Variants in RBFOX1 observed in about 807,000 individuals in gnomAD.
RBFOX1 encodes the protein RNA binding protein fox-1 homolog 1.
RBFOX1 carries 8 observed loss-of-function variants against 57.7 expected under a neutral mutation model. The ratio of observed to expected loss-of-function variants is 0.14; its 90% CI spans 0.08 to 0.25. The LOEUF is 0.25. RBFOX1 is among the 10% of genes least tolerant of loss of function. The pLI, the probability that RBFOX1 is intolerant of heterozygous loss-of-function variation, is 1.00. For synonymous variants in RBFOX1, 326 were observed against 222.4 expected, an observed-to-expected ratio of 1.47 and a Z score of -4.15; for missense variants, 611 against 548.5, an observed-to-expected ratio of 1.11 and a Z score of -1.14.
At chr16:7,293,328 G>A (rs906130367) in intron 4 of RBFOX1, among the ~76,000 whole-genome samples, 2 of 152,090 alleles carry the variant, frequency 1.3e-5, no homozygotes, top group Non-Finnish European at 2.9e-5. Context: ...TAGGTTATAA[G>A]CAAATACTAC....
rs188758709 is a variant in RBFOX1, at chr16:7,014,916, A to C, written c.-15-37141A>C. Among the ~76,000 whole-genome samples, 330 of 151,868 alleles carry C rather than the reference A, an allele frequency of 2.2e-3. 2 individuals are homozygous for C. Among genetic ancestry groups the C allele is most frequent in the African/African-American group, 7.6e-3 (316 of 41,446 alleles). Reference sequence around the variant, plus strand: ...ATTTTTTTGTATTTTTACTAGAGGCACTTTTGAACATATTGGCCAGGCTGG... The same window carrying C: ...ATTTTTTTGTATTTTTACTAGAGGCCCTTTTGAACATATTGGCCAGGCTGG... On this transcript the variant is annotated intron_variant, in intron 3 of 15. Transcript: ENST00000550418.
chr16:5,810,242 G>T (rs2055372563), intron 3 of RBFOX1, among the ~76,000 whole-genome samples: 3 of 151,822 alleles, frequency 2.0e-5, no homozygotes, highest in South Asian at 4.2e-4. Flanking sequence ...GAGTTAATGG[G>T]TGCAGCACAC....
chr16:6,946,920 C>G (rs1346186648), intron 3 of RBFOX1, among the ~76,000 whole-genome samples: 1 of 152,142 alleles, frequency 6.6e-6, no homozygotes, highest in African/African-American at 2.4e-5. Context: ...AGAAACCTTT[C>G]AAACGTTGTT....
chr16:5,733,946 G>A (rs1031377665), intron 3 of RBFOX1, among the ~76,000 whole-genome samples: 1 of 151,880 alleles, frequency 6.6e-6, no homozygotes, highest in African/African-American at 2.4e-5. Context: ...TTTCCTTCAT[G>A]CTTCCTGACC....
chr16:5,589,136 C>T (rs1211259207), intron 2 of RBFOX1, among the ~76,000 whole-genome samples: 2 of 152,252 alleles, frequency 1.3e-5, no homozygotes, highest in East Asian at 3.9e-4. Flanking sequence ...AGATGGGTTT[C>T]CCCAATCTGC....
At chr16:5,892,514 A>G (rs2058068926) in intron 4 of RBFOX1, among the ~76,000 whole-genome samples, 1 of 152,174 alleles carries the variant, frequency 6.6e-6, no homozygotes, top group Non-Finnish European at 1.5e-5. Context: ...AGTGGTGATG[A>G]TGAAGATGAG....
chr16:7,394,271 A>C (rs934563672), intron 4 of RBFOX1, among the ~76,000 whole-genome samples: 5 of 150,212 alleles, frequency 3.3e-5, no homozygotes, highest in African/African-American at 1.2e-4. Flanking sequence ...AAAAGAGAGA[A>C]AGAAATAAAA....
intron 1 of RBFOX1, among the ~76,000 whole-genome samples, chr16:5,301,618 CA>C (rs60501583): frequency 0.16 from 13,973 of 86,784 alleles, 665 homozygotes; most frequent in East Asian, 0.26. Flanking sequence ...GTCTCCATCT[CA>C]AAAAAAAAAA....
At chr16:6,605,721 A>C (rs2097916403) in intron 2 of RBFOX1, among the ~76,000 whole-genome samples, 1 of 152,216 alleles carries the variant, frequency 6.6e-6, no homozygotes, top group Non-Finnish European at 1.5e-5. Flanking sequence ...GTCAGCGAAC[A>C]GGAGAGATTC....
At chr16:7,112,169 A>G (rs1424072255) in intron 4 of RBFOX1, among the ~76,000 whole-genome samples, 3 of 152,122 alleles carry the variant, frequency 2.0e-5, no homozygotes, top group African/African-American at 7.2e-5. Context: ...AATCATACAA[A>G]CTTTGTTTTT....
intron 1 of RBFOX1, among the ~76,000 whole-genome samples, chr16:6,247,829 G>C (rs1318429724): frequency 6.6e-6 from 1 of 152,182 alleles, no homozygotes; most frequent in African/African-American, 2.4e-5. Flanking sequence ...TTCTTTCCTA[G>C]CTCTGCCTTA....
intron 6 of RBFOX1, among the ~76,000 whole-genome samples, chr16:7,582,819 C>T (rs974905445): frequency 3.3e-5 from 5 of 152,086 alleles, no homozygotes; most frequent in Non-Finnish European, 7.4e-5. Flanking sequence ...TGTGCTTTTC[C>T]CCCCCTTTGT....
chr16:6,756,042 G>C (rs981386527), intron 3 of RBFOX1, among the ~76,000 whole-genome samples: 1 of 152,138 alleles, frequency 6.6e-6, no homozygotes, highest in Non-Finnish European at 1.5e-5. Context: ...AGTACACAAT[G>C]AGGTGCCTCC....
chr16:5,607,311 C>T (rs1171221437), intron 3 of RBFOX1, among the ~76,000 whole-genome samples: 1 of 152,168 alleles, frequency 6.6e-6, no homozygotes, highest in African/African-American at 2.4e-5. Flanking sequence ...AAAATATCAC[C>T]CGTGATGTTG....
chr16:7,378,593 G>T (rs2097728262), intron 4 of RBFOX1, among the ~76,000 whole-genome samples: 1 of 152,216 alleles, frequency 6.6e-6, no homozygotes, highest in Non-Finnish European at 1.5e-5. Context: ...ATGGTGGTGG[G>T]AGAAGCATTA....
At chr16:6,816,459 T>C (rs1022794231) in intron 3 of RBFOX1, among the ~76,000 whole-genome samples, 1 of 151,232 alleles carries the variant, frequency 6.6e-6, no homozygotes, top group African/African-American at 2.4e-5. Context: ...AGGGTCTTGT[T>C]GGCCGGGTGT....
chr16:6,585,745 A>T (rs1388125630), intron 2 of RBFOX1, among the ~76,000 whole-genome samples: 1 of 151,796 alleles, frequency 6.6e-6, no homozygotes, highest in Non-Finnish European at 1.5e-5. Flanking sequence ...AAACAGGTGT[A>T]CCTTTGCTGG....
intron 2 of RBFOX1, among the ~76,000 whole-genome samples, chr16:6,358,710 G>C (rs929895302): frequency 6.6e-6 from 1 of 152,186 alleles, no homozygotes; most frequent in African/African-American, 2.4e-5. Context: ...TGCAAGGCTA[G>C]TAAGAGGTGA....
intron 2 of RBFOX1, among the ~76,000 whole-genome samples, chr16:6,470,588 A>G (rs192337611): frequency 1.6e-4 from 25 of 152,284 alleles, no homozygotes; most frequent in African/African-American, 5.8e-4. Flanking sequence ...ACACATATCT[A>G]TCCAGTTGCC....
Sources: allele counts gnomAD v4.1 joint callset (sites outside exome capture counted in the v4.1 genomes callset), GRCh38; gene constraint gnomAD v4.1.1; transcripts MANE v1.5; gene names NCBI Gene and HGNC (gene_info 2026-07-23, HGNC 2026-07-21).